Variants in UGT2B7 observed in about 807,000 individuals in gnomAD.
UGT2B7 encodes the protein UDP glucuronosyltransferase family 2 member B7.
A neutral mutation model predicts 51.9 loss-of-function variants in UGT2B7; 51 were observed. The observed-to-expected ratio is 0.98, with a 90% confidence interval of 0.78 to 1.24. The LOEUF (loss-of-function observed/expected upper bound fraction) is 1.24. Among genes scored for constraint, UGT2B7 ranks in the 50% most tolerant of loss-of-function variants. UGT2B7 has a pLI of 0.00. For missense variants in UGT2B7, 727 were observed against 628.4 expected, an observed-to-expected ratio of 1.16 and a Z score of -1.68; for synonymous variants, 225 against 211.6, an observed-to-expected ratio of 1.06 and a Z score of -0.55.
intron 1 of UGT2B7, among the ~76,000 whole-genome samples, chr4:69,065,601 T>A (rs1718464794): frequency 1.3e-5 from 2 of 152,342 alleles, no homozygotes; most frequent in Admixed American, 1.3e-4. Context: ...AAGAAGCACT[T>A]AATAATTTGT....
At chr4:69,108,998 G>A (rs939838142) in intron 5 of UGT2B7, among the ~76,000 whole-genome samples, 15 of 151,284 alleles carry the variant, frequency 9.9e-5, no homozygotes, top group Admixed American at 4.6e-4. Context: ...ATACAGTTTA[G>A]GGTGTTGTGA....
At chr4:69,053,332 A>AT (rs1407913130) in intron 1 of UGT2B7, among the ~76,000 whole-genome samples, 1 of 152,218 alleles carries the variant, frequency 6.6e-6, no homozygotes, top group African/African-American at 2.4e-5. Context: ...GGAAACATTC[A>AT]TTTTACTAGA....
intron 1 of UGT2B7, among the ~76,000 whole-genome samples, chr4:69,085,764 G>A (rs891522795): frequency 4.0e-5 from 6 of 151,716 alleles, no homozygotes; most frequent in Non-Finnish European, 8.8e-5. Flanking sequence ...CTGGTTGGTG[G>A]TATGTGTCCA....
At chr4:69,055,992 C>T (rs1305791644) in intron 1 of UGT2B7, among the ~76,000 whole-genome samples, 2 of 152,034 alleles carry the variant, frequency 1.3e-5, no homozygotes, top group Admixed American at 1.3e-4. Flanking sequence ...AGAATTCTAC[C>T]AGGACTGGAT....
intron 1 of UGT2B7, among the ~76,000 whole-genome samples, chr4:69,064,623 T>C (rs751732037): frequency 4.6e-5 from 7 of 152,232 alleles, no homozygotes; most frequent in Admixed American, 1.3e-4. Context: ...TTCATGCCAC[T>C]GTAAGCCTAC....
intron 5 of UGT2B7, among the ~76,000 whole-genome samples, chr4:69,109,611 T>G (rs927371750): frequency 2.0e-5 from 3 of 152,170 alleles, no homozygotes; most frequent in Admixed American, 2.0e-4. Context: ...TAAGAACTAT[T>G]TATATATTAT....
At chr4:69,090,438 T>G (rs1039464298) in intron 2 of UGT2B7, among the ~76,000 whole-genome samples, 4 of 150,964 alleles carry the variant, frequency 2.6e-5, no homozygotes, top group African/African-American at 7.3e-5. Context: ...ACATTGAACA[T>G]AAATTCTAAG....
At chr4:69,061,482 C>T (rs1718346542) in intron 1 of UGT2B7, among the ~76,000 whole-genome samples, 1 of 152,196 alleles carries the variant, frequency 6.6e-6, no homozygotes, top group Non-Finnish European at 1.5e-5. Context: ...TATGCCTCTC[C>T]TCCTGGAGAT....
Position 69,108,149 on chromosome 4 carries a change from C to T in UGT2B7, c.1137C>T (p.Gly379=). The T allele has an allele frequency of 6.2e-7, 1 of 1,613,652 alleles. No homozygotes were observed. The highest frequency in any genetic ancestry group is 1.1e-5 in the South Asian group (1 of 91,070). ...RAFITHGGAN[G]IYEAIYHGIP... ...TTATAACTCATGGTGGAGCCAATGG[C>T]ATCTACGAGGCAATCTACCATGGGA... is the stretch of plus-strand genomic sequence containing the variant. Residue 379 remains glycine, a synonymous_variant, in exon 5 of 6, where the codon GGC becomes GGT. Coordinates refer to ENST00000305231, the MANE Select transcript of UGT2B7 (RefSeq NM_001074.4).
intron 1 of UGT2B7, among the ~76,000 whole-genome samples, chr4:69,072,981 A>G (rs1362286484): frequency 6.6e-6 from 1 of 152,014 alleles, no homozygotes; most frequent in Non-Finnish European, 1.5e-5. Flanking sequence ...AAAGTGGGGG[A>G]ATGTAGAGGT....
At chr4:69,100,083 T>C (rs1278906861) in intron 2 of UGT2B7, among the ~76,000 whole-genome samples, 1 of 151,862 alleles carries the variant, frequency 6.6e-6, no homozygotes. Flanking sequence ...TCATTCTTCA[T>C]TGAGACCCCA....
intron 1 of UGT2B7, among the ~76,000 whole-genome samples, chr4:69,085,237 T>G (rs1187098176): frequency 3.3e-5 from 5 of 152,196 alleles, no homozygotes; most frequent in Non-Finnish European, 7.3e-5. Context: ...GAGCTTTTTT[T>G]CATGTTTGTT....
chr4:69,073,022 C>G (rs761123520), intron 1 of UGT2B7, among the ~76,000 whole-genome samples: 1 of 152,098 alleles, frequency 6.6e-6, no homozygotes, highest in Non-Finnish European at 1.5e-5. Flanking sequence ...AGTTGGCCCA[C>G]TGGGTTCTCC....
intron 2 of UGT2B7, among the ~76,000 whole-genome samples, chr4:69,100,841 A>T (rs1409948140): frequency 9.2e-5 from 14 of 152,106 alleles, no homozygotes; most frequent in Non-Finnish European, 4.4e-5. Context: ...ATTTCAATTA[A>T]ATATTAAATT....
chr4:69,090,733 G>A (rs534327115), intron 2 of UGT2B7, among the ~76,000 whole-genome samples: 48 of 152,116 alleles, frequency 3.2e-4, no homozygotes, highest in African/African-American at 8.2e-4. Context: ...CATTATGATC[G>A]CCTGTTTTGG....
intron 1 of UGT2B7, among the ~76,000 whole-genome samples, chr4:69,071,342 C>T (rs1328611431): frequency 3.9e-5 from 6 of 151,978 alleles, no homozygotes; most frequent in Admixed American, 6.6e-5. Flanking sequence ...ATTCTCTCCT[C>T]GTAACATATT....
At chr4:69,081,026 A>T (rs1307740226) in intron 1 of UGT2B7, among the ~76,000 whole-genome samples, 2 of 152,186 alleles carry the variant, frequency 1.3e-5, no homozygotes, top group Non-Finnish European at 2.9e-5. Flanking sequence ...AAACTCTATC[A>T]CTTTACCCAA....
intron 1 of UGT2B7, among the ~76,000 whole-genome samples, chr4:69,062,625 T>C (rs942684319): frequency 5.3e-5 from 8 of 152,086 alleles, no homozygotes; most frequent in African/African-American, 9.7e-5. Context: ...CAGCAGGACA[T>C]AGACCATCTG....
upstream of UGT2B7, among the ~76,000 whole-genome samples, chr4:69,092,884 T>C (rs1203481898): frequency 6.6e-6 from 1 of 151,862 alleles, no homozygotes; most frequent in Non-Finnish European, 1.5e-5. Context: ...TTAAAATAGT[T>C]ACACTTTCTT....
Sources: allele counts gnomAD v4.1 joint callset (sites outside exome capture counted in the v4.1 genomes callset), GRCh38; gene constraint gnomAD v4.1.1; transcripts MANE v1.5; gene names NCBI Gene and HGNC (gene_info 2026-07-23, HGNC 2026-07-21).